RBFOX2: variants seen among roughly 807,000 people sequenced by gnomAD.
The protein encoded by RBFOX2 is RNA binding fox-1 homolog 2, also known as RNA binding protein fox-1 homolog 2.
In RBFOX2, 10 loss-of-function variants were observed where a neutral mutation model predicts 49.1. The observed-to-expected ratio is 0.20, with a 90% CI of 0.13 to 0.35. The LOEUF (loss-of-function observed/expected upper bound fraction) is 0.35, where lower values mean the gene tolerates loss of function less well. Ranked by LOEUF, RBFOX2 falls within the 10% of genes least tolerant of loss-of-function variation. RBFOX2 has a pLI of 1.00. For synonymous variants in RBFOX2, 183 were observed against 187.4 expected, an observed-to-expected ratio of 0.98 and a Z score of 0.19; for missense variants, 323 against 486.9, an observed-to-expected ratio of 0.66 and a Z score of 3.17.
At chr22:35,750,305 G>T in intron 9 of RBFOX2, 1 of 598,976 alleles carries the variant, frequency 1.7e-6, no homozygotes, top group Non-Finnish European at 2.9e-6. Flanking sequence ...TAATTCATTT[G>T]GAGATATGAA....
chr22:35,813,391 T>A (rs1040339952), intron 1 of RBFOX2, among the ~76,000 whole-genome samples: 1 of 152,182 alleles, frequency 6.6e-6, no homozygotes, highest in Non-Finnish European at 1.5e-5. Flanking sequence ...CCTCTATACT[T>A]ATATAAAAAT....
chr22:35,873,139 G>C (rs1316943757), intron 1 of RBFOX2, among the ~76,000 whole-genome samples: 2 of 152,048 alleles, frequency 1.3e-5, no homozygotes, highest in Non-Finnish European at 2.9e-5. Flanking sequence ...TGAATTGGTT[G>C]TTTCTTTTTT....
chr22:35,842,468 C>T (rs182200927), upstream of RBFOX2, among the ~76,000 whole-genome samples: 1 of 152,190 alleles, frequency 6.6e-6, no homozygotes, highest in African/African-American at 2.4e-5. Context: ...TTTCTAAAGA[C>T]AAAGTGAGTA....
At chr22:35,794,844 A>C (rs1351420760) in intron 2 of RBFOX2, among the ~76,000 whole-genome samples, 2 of 152,174 alleles carry the variant, frequency 1.3e-5, no homozygotes, top group East Asian at 3.8e-4. Flanking sequence ...AGCGGAGCAC[A>C]GCATTAACGC....
chr22:35,742,011 C>G (rs1930212012), exon 12 of RBFOX2: 1 of 152,198 alleles, frequency 6.6e-6, no homozygotes, highest in Non-Finnish European at 1.5e-5. Flanking sequence ...AGTTCTCCCT[C>G]AAAGCAAAAG....
At chr22:35,893,795 A>T (rs1418208110) in intron 1 of RBFOX2, among the ~76,000 whole-genome samples, 1 of 152,182 alleles carries the variant, frequency 6.6e-6, no homozygotes, top group Non-Finnish European at 1.5e-5. Flanking sequence ...CTGATAATTT[A>T]TAAATTTAGC....
At chr22:35,943,191 T>C (rs2053890658), upstream of RBFOX2, among the ~76,000 whole-genome samples, 1 of 152,146 alleles carries the variant, frequency 6.6e-6, no homozygotes. Context: ...AGTCGAATAG[T>C]GGGAAAGATT....
intron 1 of RBFOX2, among the ~76,000 whole-genome samples, chr22:35,877,784 T>C (rs2045331305): frequency 6.6e-6 from 1 of 152,124 alleles, no homozygotes; most frequent in Non-Finnish European, 1.5e-5. Flanking sequence ...GTCCCTGCGA[T>C]GTGAGAGAGA....
intron 1 of RBFOX2, among the ~76,000 whole-genome samples, chr22:35,831,017 G>A (rs539521195): frequency 1.3e-5 from 2 of 152,092 alleles, no homozygotes; most frequent in African/African-American, 2.4e-5. Context: ...AAAACCTTAC[G>A]TATGCTATAA....
At chr22:35,953,477 C>T (rs1371744292) in intron 1 of RBFOX2, among the ~76,000 whole-genome samples, 5 of 151,882 alleles carry the variant, frequency 3.3e-5, no homozygotes, top group Admixed American at 3.3e-4. Context: ...AAAGAGAAAG[C>T]AGATTGGTGG....
chr22:35,797,542 G>A (rs1033053965), intron 2 of RBFOX2, among the ~76,000 whole-genome samples: 3 of 152,140 alleles, frequency 2.0e-5, no homozygotes, highest in East Asian at 1.9e-4. Context: ...TTAAGTGAAC[G>A]TGATTTTTTT....
At chr22:35,956,705 T>C (rs2055601221) in intron 1 of RBFOX2, among the ~76,000 whole-genome samples, 1 of 152,152 alleles carries the variant, frequency 6.6e-6, no homozygotes, top group African/African-American at 2.4e-5. Flanking sequence ...AGTCTATCAG[T>C]TGTTCTTTCA....
At chr22:35,896,608 C>T (rs189882147) in intron 1 of RBFOX2, among the ~76,000 whole-genome samples, 1 of 152,288 alleles carries the variant, frequency 6.6e-6, no homozygotes, top group Non-Finnish European at 1.5e-5. Flanking sequence ...GTTTCTTCCT[C>T]TTAGGGTAGA....
intron 2 of RBFOX2, among the ~76,000 whole-genome samples, chr22:35,784,860 G>A (rs569125747): frequency 1.6e-4 from 25 of 152,362 alleles, no homozygotes; most frequent in Admixed American, 8.5e-4. Flanking sequence ...CGGCCGCTGC[G>A]GTGGGGCAGG....
chr22:35,901,094 G>A (rs967036307), intron 1 of RBFOX2, among the ~76,000 whole-genome samples: 1 of 152,150 alleles, frequency 6.6e-6, no homozygotes, highest in Non-Finnish European at 1.5e-5. Context: ...CAATATCTCT[G>A]TAAGACAGGC....
upstream of RBFOX2, among the ~76,000 whole-genome samples, chr22:35,962,959 G>T (rs1435646456): frequency 6.8e-6 from 1 of 147,892 alleles, no homozygotes; most frequent in Non-Finnish European, 1.5e-5. Flanking sequence ...CCTTGTAGTA[G>T]GAAAGGGAGA....
At chr22:35,789,586 T>C (rs554430641) in intron 2 of RBFOX2, among the ~76,000 whole-genome samples, 34 of 152,280 alleles carry the variant, frequency 2.2e-4, no homozygotes, top group African/African-American at 7.5e-4. Flanking sequence ...TTCAGTTTCA[T>C]CTTCAAGTCA....
At chr22:35,809,584 A>C (rs1263983166) in intron 2 of RBFOX2, among the ~76,000 whole-genome samples, 196 bp downstream of exon 3, 8 of 152,130 alleles carry the variant, frequency 5.3e-5, no homozygotes, top group Admixed American at 2.0e-4. Context: ...AAATTGGGAG[A>C]GCTCGAAAAG....
intron 1 of RBFOX2, among the ~76,000 whole-genome samples, chr22:35,979,331 T>C (rs2057347911): frequency 6.6e-6 from 1 of 152,234 alleles, no homozygotes; most frequent in South Asian, 2.1e-4. Flanking sequence ...GAAAAAGACA[T>C]TGCTGGGACA....
Sources: allele counts gnomAD v4.1 joint callset (sites outside exome capture counted in the v4.1 genomes callset), GRCh38; gene constraint gnomAD v4.1.1; transcripts MANE v1.5; gene names NCBI Gene and HGNC (gene_info 2026-07-23, HGNC 2026-07-21).